The following KANSL1 variants were observed in gnomAD, a reference collection of about 807,000 sequenced individuals.
KANSL1 encodes the protein KAT8 regulatory NSL complex subunit 1.
KANSL1 carries 22 observed loss-of-function variants against 103.6 expected under a neutral mutation model. The ratio of observed to expected loss-of-function variants is 0.21; its 90% CI spans 0.15 to 0.30. The LOEUF (loss-of-function observed/expected upper bound fraction) is 0.30. Among genes scored for constraint, KANSL1 ranks in the 10% least tolerant of loss-of-function variants. The probability of loss-of-function intolerance (pLI) is 1.00; values close to 1 mark genes in which losing one functional copy is unlikely to be tolerated. For synonymous variants in KANSL1, 600 were observed against 527.6 expected, an observed-to-expected ratio of 1.14 and a Z score of -1.88; for missense variants, 1,337 against 1,399.8, an observed-to-expected ratio of 0.96 and a Z score of 0.72.
chr17:46,114,547 T>C (rs1343477977), intron 2 of KANSL1, among the ~76,000 whole-genome samples: 1 of 152,224 alleles, frequency 6.6e-6, no homozygotes, highest in Admixed American at 6.5e-5. Context: ...ACATTGCTGA[T>C]AACAGCTTAC....
chr17:46,186,599 T>C (rs2696705), intron 1 of KANSL1, among the ~76,000 whole-genome samples: 21,951 of 152,238 alleles, frequency 0.14, 2,138 homozygotes, highest in Middle Eastern at 0.22. Flanking sequence ...AGTAAATCAC[T>C]AAGTGCAAAA....
Position 46,030,640 on chromosome 17 carries a change from C to T in KANSL1, c.*836G>A, listed in dbSNP as rs2076982968. 6.6e-6 allele frequency: 1 copy of T among 151,922 alleles called. No individual in the cohort carries two copies. Among genetic ancestry groups the T allele is most frequent in the South Asian group, 2.1e-4 (1 of 4,824 alleles). The allele number at this position is 151,922 out of a possible 1,614,324, so 9.4% of individuals were successfully genotyped here. ...AGATGGCTGCTCACTTCCCACAACC[C>T]CCAGTTTGCAGGGGAGTGGGAATAG... On this transcript the variant is annotated 3_prime_UTR_variant, in exon 15 of 15. Transcript: ENST00000432791.
chr17:46,211,076 G>A (rs916196507), intron 1 of KANSL1, among the ~76,000 whole-genome samples: 1 of 152,102 alleles, frequency 6.6e-6, no homozygotes, highest in South Asian at 2.1e-4. Flanking sequence ...GCGAGGAAAT[G>A]GCAGGTATGT....
At chr17:46,159,894 T>G (rs1006178536) in intron 2 of KANSL1, among the ~76,000 whole-genome samples, 1 of 152,218 alleles carries the variant, frequency 6.6e-6, no homozygotes, top group Non-Finnish European at 1.5e-5. Context: ...CCACCATCCC[T>G]CCTGGTCAAT....
intron 3 of KANSL1, among the ~76,000 whole-genome samples, chr17:46,085,821 T>G (rs113117591): frequency 0.029 from 4,357 of 152,202 alleles, 216 homozygotes; most frequent in African/African-American, 0.1. Flanking sequence ...AGAGATGGAC[T>G]TTCACCATGT....
intron 1 of KANSL1, 38 bp from the exon 2 acceptor site, chr17:46,172,270 G>A (rs1004665867): frequency 8.4e-6 from 8 of 954,180 alleles, no homozygotes; most frequent in Non-Finnish European, 1.2e-5. Context: ...AGAAATACAA[G>A]CACTTTTAAA....
intron 4 of KANSL1, among the ~76,000 whole-genome samples, chr17:46,068,412 A>G (rs2078459408): frequency 1.3e-5 from 2 of 152,004 alleles, no homozygotes; most frequent in African/African-American, 4.8e-5. Context: ...ACAAAAAAAT[A>G]CAAAATTAGC....
chr17:46,176,330 C>G (rs1258636531), intron 1 of KANSL1, among the ~76,000 whole-genome samples: 3 of 152,240 alleles, frequency 2.0e-5, no homozygotes, highest in Non-Finnish European at 4.4e-5. Context: ...GTAAACTTCT[C>G]AAAGTTATTC....
chr17:46,216,473 C>T (rs2048342158), intron 1 of KANSL1, among the ~76,000 whole-genome samples: 1 of 151,938 alleles, frequency 6.6e-6, no homozygotes, highest in African/African-American at 2.4e-5. Flanking sequence ...GTGGCGGGCA[C>T]CTGTAATCCC....
chr17:46,056,141 G>C (rs1411445295), intron 6 of KANSL1, among the ~76,000 whole-genome samples: 2 of 152,094 alleles, frequency 1.3e-5, no homozygotes, highest in African/African-American at 4.8e-5. Context: ...GGGATTACAG[G>C]CACCCACCAC....
At chr17:46,069,429 T>A (rs565230900) in intron 4 of KANSL1, among the ~76,000 whole-genome samples, 1 of 152,176 alleles carries the variant, frequency 6.6e-6, no homozygotes, top group Admixed American at 6.5e-5. Flanking sequence ...AACCTGAAAG[T>A]AGTCCTAGAC....
At chr17:46,159,739 G>A (rs1490165821) in intron 2 of KANSL1, among the ~76,000 whole-genome samples, 2 of 152,236 alleles carry the variant, frequency 1.3e-5, no homozygotes, top group East Asian at 1.9e-4. Flanking sequence ...TGGGGAAATA[G>A]TTGTTTGGGG....
chr17:46,167,952 C>T (rs1392563675), intron 2 of KANSL1, among the ~76,000 whole-genome samples: 2 of 152,218 alleles, frequency 1.3e-5, no homozygotes, highest in Non-Finnish European at 2.9e-5. Context: ...AAAAACAGCT[C>T]ATTCCAACAG....
At chr17:46,091,847 C>T (rs1191013323) in intron 3 of KANSL1, among the ~76,000 whole-genome samples, 2 of 120,514 alleles carry the variant, frequency 1.7e-5, no homozygotes, top group Admixed American at 8.8e-5. Context: ...GACAGAGACT[C>T]GCTCTGCTTT....
chr17:46,105,942 CACACA>C (rs1004675813), intron 2 of KANSL1, among the ~76,000 whole-genome samples: 6 of 64,588 alleles, frequency 9.3e-5, no homozygotes, highest in East Asian at 5.7e-4. Context: ...CACACACACA[CACACA>C]CCCCCCCAGA....
At chr17:46,218,960 G>A (rs1321849218) in intron 1 of KANSL1, among the ~76,000 whole-genome samples, 1 of 151,832 alleles carries the variant, frequency 6.6e-6, no homozygotes, top group African/African-American at 2.4e-5. Context: ...AAGTCACACG[G>A]TTAAGAGTGC....
chr17:46,092,677 C>T (rs1056964719), intron 3 of KANSL1, among the ~76,000 whole-genome samples: 1 of 121,176 alleles, frequency 8.3e-6, no homozygotes, highest in African/African-American at 3.3e-5. Flanking sequence ...ATGTTGGTAG[C>T]GAGATAATTT....
rs1198616081 is a variant in KANSL1 at position 46,039,104 on chromosome 17, A to G, written c.2315T>C (p.Leu772Pro). 1.9e-6 allele frequency: 3 copies of G among 1,612,532 alleles called. No individual in the cohort carries two copies. Among genetic ancestry groups the G allele is most frequent in the South Asian group, 1.1e-5 (1 of 90,952 alleles). The change falls in exon 9 of 15, where the codon CTC becomes CCC. Residue 772 changes from leucine to proline, a missense_variant. By Grantham distance (98) the Leu-to-Pro change is moderately conservative (BLOSUM62 -3). Around this residue, in one of 2 missense-constraint regions of KANSL1, gnomAD observed 780 missense variants for 923.4 expected, o/e 0.84. Coordinates refer to ENST00000432791, the MANE Select transcript of KANSL1 (RefSeq NM_015443.4). ...RVTAPKAERL[L>P]NPPPPVHDPN... ...GTCATGCACGGGTGGTGGTGGGTTG[A>G]GCAAGCGCTCTGCTTTTGGCGCTGT...
At chr17:46,047,289 A>T (rs967804274) in intron 7 of KANSL1, among the ~76,000 whole-genome samples, 2 of 152,220 alleles carry the variant, frequency 1.3e-5, no homozygotes, top group African/African-American at 4.8e-5. Context: ...ATCAACTGTC[A>T]ATTAGAAGGA....
Sources: allele counts gnomAD v4.1 joint callset (sites outside exome capture counted in the v4.1 genomes callset), GRCh38; gene constraint gnomAD v4.1.1; regional missense constraint gnomAD v4.1.1; transcripts MANE v1.5; gene names NCBI Gene and HGNC (gene_info 2026-07-23, HGNC 2026-07-21).